The following SLC26A6 variants were observed in gnomAD, a reference collection of about 807,000 sequenced individuals.
SLC26A6 encodes the protein solute carrier family 26 member 6, also known as anion exchange transporter.
SLC26A6 carries 67 observed loss-of-function variants against 87.1 expected under a neutral mutation model. The observed-to-expected ratio is 0.77, with a 90% CI of 0.63 to 0.94. The LOEUF (loss-of-function observed/expected upper bound fraction) is 0.94. Among genes scored for constraint, SLC26A6 ranks in the 40% least tolerant of loss-of-function variants. The pLI is 0.00. For missense variants in SLC26A6, 902 were observed against 973.0 expected (o/e 0.93, Z 0.97); for synonymous variants, 414 against 405.9 (o/e 1.02, Z -0.24).
At position 48,633,335 on chromosome 3, in the gene SLC26A6, A is replaced by G. The variant is rs760217508; in HGVS notation, c.238T>C (p.Trp80Arg). The change falls in exon 3 of 21, where the codon TGG (tryptophan) becomes CGG (arginine). Residue 80 changes from tryptophan (W) to arginine (R), a missense_variant. Transcript: ENST00000395550. ...LLLQHLPVLV[W>R]LPRYPVRDWL... ...TCACGCACAGGATACCGGGGTAACCAGACCAAAACCGGGAGGTGTTGGAGC... is the reference window on the plus strand; with the variant it reads ...TCACGCACAGGATACCGGGGTAACCGGACCAAAACCGGGAGGTGTTGGAGC... 1 of 1,613,608 alleles carries G rather than the reference A, an allele frequency of 6.2e-7. No homozygotes were observed. The highest frequency in any genetic ancestry group is 8.5e-7 in the Non-Finnish European group (1 of 1,180,008).
At position 48,631,051 on chromosome 3, in the gene SLC26A6, G is replaced by A. The variant is rs1484957274; in HGVS notation, c.1076C>T (p.Ala359Val). The stretch of plus-strand genomic sequence containing the variant: ...GGCGAAGATCTTCCCCAGTGAGATG[G>A]CAATGGCAAACCCAACCACAGCGAT... ...FTIAVVGFAIAISLGKIFALR... is the reference protein window; with the variant it reads ...FTIAVVGFAIVISLGKIFALR... The change falls in exon 9 of 21, where the codon GCC becomes GTC. Residue 359 changes from alanine (A) to valine (V), a missense_variant. Physicochemically the swap from Ala to Val is moderately conservative, Grantham distance 64. Around this residue, in one of 3 missense-constraint regions of SLC26A6, gnomAD observed 800 missense variants for 856.8 expected, o/e 0.93. Transcript: ENST00000395550. The A allele has an allele frequency of 6.2e-7, 1 of 1,613,850 alleles. No individual in the cohort carries two copies. Among genetic ancestry groups the A allele is most frequent in the Non-Finnish European group, 8.5e-7 (1 of 1,180,038 alleles).
intron 9 of SLC26A6, 93 bp from the exon 10 acceptor site, chr3:48,630,813 C>A: frequency 6.7e-7 from 1 of 1,500,284 alleles, no homozygotes; most frequent in Non-Finnish European, 9.2e-7. Context: ...CAATCTCCAT[C>A]CCCACCAAGT....
intron 17 of SLC26A6, 47 bp downstream of exon 17, chr3:48,627,899 T>C: frequency 6.5e-7 from 1 of 1,531,898 alleles, no homozygotes; most frequent in South Asian, 1.2e-5. Flanking sequence ...GGATCCTGCA[T>C]CTCTGCAGCT....
In SLC26A6 at chr3:48,628,029, G is replaced by A. The variant is rs1406976907; in HGVS notation, c.1810C>T (p.Pro604Ser). 6.3e-7 allele frequency: 1 copy of A among 1,577,392 alleles called. No individual in the cohort carries two copies. The highest frequency in any genetic ancestry group is 8.6e-7 in the Non-Finnish European group (1 of 1,167,568). The part of the protein sequence containing the change: ...EEKLRKQAAS[P>S]KGASVSINVN... Reference sequence around the variant, plus strand: ...TTAATGGAAACTGAGGCGCCCTTGGGGGAGGCAGCCTACACCAGGGAAGAC... The same window carrying A: ...TTAATGGAAACTGAGGCGCCCTTGGAGGAGGCAGCCTACACCAGGGAAGAC... The change falls in exon 17 of 21, where the codon CCC (proline) becomes TCC (serine). Residue 604 changes from proline to serine, a missense_variant. Coordinates refer to ENST00000395550, the MANE Select transcript of SLC26A6 (RefSeq NM_022911.3). The surrounding 1 kb of genome is among the most constrained non-coding windows in gnomAD (Gnocchi z 4.4).
intron 10 of SLC26A6, 35 bp downstream of exon 10, chr3:48,630,572 G>A (rs1207717490): frequency 6.4e-7 from 1 of 1,560,998 alleles, no homozygotes; most frequent in Non-Finnish European, 8.7e-7. Flanking sequence ...AAAGCAATGT[G>A]CATGCCCACA....
intron 14 of SLC26A6, among the ~76,000 whole-genome samples, chr3:48,629,362 C>T (rs57334642): frequency 0.12 from 17,737 of 152,160 alleles, 1,078 homozygotes; most frequent in African/African-American, 0.15. Flanking sequence ...GCTGCCATTC[C>T]GGCTCTCTGA....
Position 48,635,377 on chromosome 3 carries a change from G to A in SLC26A6, c.17C>T (p.Ala6Val). MGLADASGPRDTQALL... is the reference protein window; with the variant it reads MGLADVSGPRDTQALL... ...GAATGTGCGCTGAACTCACCCCGAC[G>A]CATCCGCCAGCCCCATGGCTCGCAA... Residue 6 changes from alanine (A) to valine (V), a missense_variant, in exon 1 of 21, where the codon GCG (alanine) becomes GTG (valine). By Grantham distance (64) the Ala-to-Val change is moderately conservative. Around this residue, in one of 3 missense-constraint regions of SLC26A6, gnomAD observed 800 missense variants for 856.8 expected, o/e 0.93. Transcript: ENST00000395550. 3.2e-6 allele frequency: 5 copies of A among 1,587,164 alleles called. No individual in the cohort carries two copies. The highest frequency in any genetic ancestry group is 4.3e-6 in the Non-Finnish European group (5 of 1,168,032).
rs1322477481 is a variant in SLC26A6, at chr3:48,626,228, C to T, written c.2255G>A (p.Ser752Asn). The change falls in exon 20 of 21, where the codon AGC (serine) becomes AAC (asparagine). Residue 752 changes from serine to asparagine, a missense_variant. Ser to Asn is a conservative substitution (Grantham distance 46). Coordinates refer to ENST00000395550, the MANE Select transcript of SLC26A6 (RefSeq NM_022911.3). ...CAGAGGTAGGCTCACCGAAACAGGGCTGTCGGGGACAGGCCTCGGGTGTTG... is the reference window on the plus strand; with the variant it reads ...CAGAGGTAGGCTCACCGAAACAGGGTTGTCGGGGACAGGCCTCGGGTGTTG... ...ALQHPRPVPD[S>N]PVSVTRL 9.9e-6 allele frequency: 16 copies of T among 1,614,066 alleles called. No individual in the cohort carries two copies. Among genetic ancestry groups the T allele is most frequent in the Non-Finnish European group, 1.4e-5 (16 of 1,180,000 alleles).
Position 48,633,329 on chromosome 3 carries a change from G to GT in SLC26A6, c.243dup (p.Pro82ThrfsTer7). 6.2e-7 allele frequency: 1 copy of GT among 1,613,606 alleles called. No individual in the cohort carries two copies. Among genetic ancestry groups the GT allele is most frequent in the Admixed American group, 1.7e-5 (1 of 60,030 alleles). The stretch of plus-strand genomic sequence containing the variant: ...AGCCAGTCACGCACAGGATACCGGG[G>GT]TAACCAGACCAAAACCGGGAGGTGT... On this transcript the variant is annotated frameshift_variant, in exon 3 of 21. Transcript: ENST00000395550. LOFTEE classifies it high-confidence loss of function.
At chr3:48,635,249 G>C (rs2106683358) in intron 1 of SLC26A6, 122 bp downstream of exon 1, 1 of 1,338,054 alleles carries the variant, frequency 7.5e-7, no homozygotes, top group East Asian at 2.5e-5. Context: ...CAGAAAATCA[G>C]CAGAGGTAAA....
chr3:48,627,896 G>A, intron 17 of SLC26A6, 50 bp downstream of exon 17: 4 of 1,521,866 alleles, frequency 2.6e-6, no homozygotes, highest in Non-Finnish European at 3.6e-6. Flanking sequence ...TGTGGATCCT[G>A]CATCTCTGCA....
chr3:48,627,089 T>C (rs1230161075), intron 17 of SLC26A6, 34 bp from the exon 18 acceptor site: 1 of 1,600,464 alleles, frequency 6.2e-7, no homozygotes, highest in South Asian at 1.1e-5. Context: ...GGGCCACCCA[T>C]GAGAGAGTGA....
In SLC26A6 at chr3:48,633,026, G is replaced by A. The variant is rs747056636; in HGVS notation, c.381C>T (p.Phe127=). The A allele has an allele frequency of 1.2e-6, 2 of 1,613,748 alleles. No individual in the cohort carries two copies. The highest frequency in any genetic ancestry group is 8.5e-7 in the Non-Finnish European group (1 of 1,179,974). Residue 127 remains phenylalanine (F), a synonymous_variant, in exon 4 of 21, where the codon TTC becomes TTT. Coordinates refer to ENST00000395550, the MANE Select transcript of SLC26A6 (RefSeq NM_022911.3). The part of the protein sequence containing the change: ...LPPVFGLYSS[F]YPVFIYFLFG... ...ACAGGAAGTAGATGAAGACAGGGTA[G>A]AAGGAGCTATAGAGGCCAAACACGG...
chr3:48,632,275 G>A lies in SLC26A6; in HGVS notation c.555C>T (p.Ser185=). 6.2e-7 allele frequency: 1 copy of A among 1,611,158 alleles called. No individual in the cohort carries two copies. Among genetic ancestry groups the A allele is most frequent in the African/African-American group, 1.3e-5 (1 of 75,008 alleles). The change falls in exon 5 of 21, where the codon TCC becomes TCT. Residue 185 remains serine (S), a synonymous_variant. Coordinates refer to ENST00000395550, the MANE Select transcript of SLC26A6 (RefSeq NM_022911.3). ...ARDAARVQVA[S]TLSVLVGLFQ... ...AGAGGCCAACCAGGACACTGAGTGT[G>A]GAGGCCACCTGTACCCGGGCAGCAT...
chr3:48,630,959 T>C (rs759230842), intron 9 of SLC26A6, 34 bp downstream of exon 9: 1 of 1,609,928 alleles, frequency 6.2e-7, no homozygotes, highest in Non-Finnish European at 8.5e-7. Flanking sequence ...TCCATACACT[T>C]GGATGCCTCC....
chr3:48,628,744 G>C lies in SLC26A6; in HGVS notation c.1600-30C>G, dbSNP rs374781862. 1.1e-5 allele frequency: 18 copies of C among 1,605,892 alleles called. No individual in the cohort carries two copies. Among genetic ancestry groups the C allele is most frequent in the Non-Finnish European group, 1.4e-5 (16 of 1,175,844 alleles). Reference sequence around the variant, plus strand: ...GGATGAGGCAGAACTGGTGGTGGCTGAATCTCCTCTCTCCTGGCTGCATCC... The same window carrying C: ...GGATGAGGCAGAACTGGTGGTGGCTCAATCTCCTCTCTCCTGGCTGCATCC... On this transcript the variant is annotated intron_variant, in intron 14 of 20. Transcript: ENST00000395550. The surrounding 1 kb of genome is among the most constrained non-coding windows in gnomAD (Gnocchi z 4.4).
Position 48,633,337 on chromosome 3 carries a change from A to C in SLC26A6, c.236T>G (p.Val79Gly). The change falls in exon 3 of 21, where the codon GTC becomes GGC. Residue 79 changes from valine to glycine, a missense_variant. Coordinates refer to ENST00000395550, the MANE Select transcript of SLC26A6 (RefSeq NM_022911.3). ...ACGCACAGGATACCGGGGTAACCAG[A>C]CCAAAACCGGGAGGTGTTGGAGCAG... ...ALLLQHLPVLVWLPRYPVRDW... is the reference protein window; with the variant it reads ...ALLLQHLPVLGWLPRYPVRDW... 6.2e-7 allele frequency: 1 copy of C among 1,613,574 alleles called. No homozygotes were observed. The highest frequency in any genetic ancestry group is 8.5e-7 in the Non-Finnish European group (1 of 1,180,006).
chr3:48,632,966 C>T lies in SLC26A6; in HGVS notation c.433+8G>A. 6.2e-7 allele frequency: 1 copy of T among 1,611,636 alleles called. No homozygotes were observed. Among genetic ancestry groups the T allele is most frequent in the Non-Finnish European group, 8.5e-7 (1 of 1,178,866 alleles). On this transcript the variant is annotated splice_region_variant and intron_variant, in intron 4 of 20. Transcript: ENST00000395550. Reference sequence around the variant, plus strand: ...TCCTCCTGGAAGGCTAGGCCTGCCTCCACTTACCCACGGAGATGTGCCGGG... The same window carrying T: ...TCCTCCTGGAAGGCTAGGCCTGCCTTCACTTACCCACGGAGATGTGCCGGG...
chr3:48,631,368 A>G, intron 7 of SLC26A6, 62 bp from the exon 8 acceptor site: 1 of 1,467,470 alleles, frequency 6.8e-7, no homozygotes, highest in Non-Finnish European at 9.1e-7. Flanking sequence ...GGACACATAA[A>G]CCACTGTGAG....
Sources: allele counts gnomAD v4.1 joint callset (sites outside exome capture counted in the v4.1 genomes callset), GRCh38; gene constraint gnomAD v4.1.1; regional missense constraint gnomAD v4.1.1; non-coding constraint Gnocchi (gnomAD v3.1); transcripts MANE v1.5; gene names NCBI Gene and HGNC (gene_info 2026-07-23, HGNC 2026-07-21).